CDH18: variants seen among roughly 807,000 people sequenced by gnomAD.
CDH18 encodes cadherin-18.
Under a neutral mutation model 67.9 loss-of-function variants are expected in CDH18, and 31 were observed. The ratio of observed to expected loss-of-function variants is 0.46; its 90% confidence interval spans 0.34 to 0.62. The LOEUF (loss-of-function observed/expected upper bound fraction) is 0.62. Ranked by LOEUF, CDH18 falls within the 20% of genes least tolerant of loss-of-function variation. The pLI is 0.01. For missense variants in CDH18, 890 were observed against 975.5 expected, an observed-to-expected ratio of 0.91 and a Z score of 1.17; for synonymous variants, 362 against 347.2, an observed-to-expected ratio of 1.04 and a Z score of -0.48.
intron 6 of CDH18, among the ~76,000 whole-genome samples, chr5:19,605,438 GTTAAT>G (rs1255454180): frequency 6.6e-6 from 1 of 151,790 alleles, no homozygotes; most frequent in Non-Finnish European, 1.5e-5. Context: ...CTCATTTAAA[GTTAAT>G]TTAATAATTT....
intron 5 of CDH18, among the ~76,000 whole-genome samples, chr5:19,656,221 G>A (rs547877813): frequency 3.3e-5 from 5 of 151,918 alleles, no homozygotes; most frequent in Non-Finnish European, 7.4e-5. Context: ...TAACTGGAAT[G>A]ACTGCCAGGA....
intron 2 of CDH18, among the ~76,000 whole-genome samples, chr5:20,146,087 G>T (rs1244582203): frequency 6.6e-6 from 1 of 152,036 alleles, no homozygotes; most frequent in Non-Finnish European, 1.5e-5. Flanking sequence ...CTAGTCAACT[G>T]GTCTCCTCCT....
chr5:19,650,300 GA>G (rs11361759), intron 5 of CDH18, among the ~76,000 whole-genome samples: 108,659 of 151,638 alleles, frequency 0.72, 39,383 homozygotes, highest in South Asian at 0.8. Context: ...CTCCATAAAA[GA>G]AAAATACAGA....
intron 1 of CDH18, among the ~76,000 whole-genome samples, chr5:20,301,127 C>G (rs1240765964): frequency 6.6e-6 from 1 of 152,072 alleles, no homozygotes; most frequent in Non-Finnish European, 1.5e-5. Context: ...GAAGCATACA[C>G]TTGCTTCCTT....
At chr5:20,141,447 G>A (rs566101427) in intron 2 of CDH18, among the ~76,000 whole-genome samples, 11 of 152,226 alleles carry the variant, frequency 7.2e-5, no homozygotes, top group East Asian at 3.9e-4. Context: ...TTTATGACTC[G>A]TGATGGCATA....
chr5:19,521,256 G>A, intron 9 of CDH18, among the ~76,000 whole-genome samples: 1 of 152,158 alleles, frequency 6.6e-6, no homozygotes, highest in East Asian at 1.9e-4. Flanking sequence ...TATATGCAGA[G>A]TGTGATGTTA....
intron 1 of CDH18, among the ~76,000 whole-genome samples, chr5:20,317,676 G>A (rs964675657): frequency 7.2e-5 from 11 of 152,082 alleles, no homozygotes; most frequent in African/African-American, 2.7e-4. Context: ...AAGCTTTTAT[G>A]CATATATCAA....
intron 11 of CDH18, among the ~76,000 whole-genome samples, chr5:19,487,114 T>C (rs958234846): frequency 4.6e-5 from 7 of 152,126 alleles, no homozygotes; most frequent in African/African-American, 7.2e-5. Context: ...AGACAGGAAA[T>C]AAAGATGCAT....
At chr5:19,509,914 A>G (rs1435959643) in intron 10 of CDH18, among the ~76,000 whole-genome samples, 1 of 152,088 alleles carries the variant, frequency 6.6e-6, no homozygotes, top group Non-Finnish European at 1.5e-5. Flanking sequence ...GAACAGGAAA[A>G]TATATTAACT....
chr5:19,538,900 C>G (rs1457265617), intron 9 of CDH18, among the ~76,000 whole-genome samples: 3 of 152,148 alleles, frequency 2.0e-5, no homozygotes, highest in Non-Finnish European at 4.4e-5. Context: ...ACAACTGGCT[C>G]TTCAGAAACG....
intron 1 of CDH18, among the ~76,000 whole-genome samples, chr5:20,377,385 T>G (rs1003166923): frequency 6.6e-6 from 1 of 152,204 alleles, no homozygotes; most frequent in Non-Finnish European, 1.5e-5. Flanking sequence ...GTATTTTAGT[T>G]TCAAGAGAAT....
At chr5:20,075,332 G>A (rs1014838404) in intron 2 of CDH18, among the ~76,000 whole-genome samples, 20 of 152,034 alleles carry the variant, frequency 1.3e-4, no homozygotes, top group African/African-American at 4.6e-4. Context: ...GTGAAACCCC[G>A]TCTCTACTAA....
At chr5:19,601,032 A>G (rs2150065900) in intron 6 of CDH18, among the ~76,000 whole-genome samples, 1 of 152,326 alleles carries the variant, frequency 6.6e-6, no homozygotes, top group South Asian at 2.1e-4. Context: ...TCTTGGAAAT[A>G]TTCAAACGTG....
At chr5:19,718,635 T>C (rs1034950491) in intron 5 of CDH18, among the ~76,000 whole-genome samples, 1 of 151,918 alleles carries the variant, frequency 6.6e-6, no homozygotes, top group Non-Finnish European at 1.5e-5. Context: ...CTCTCTAAGA[T>C]ACTTGCATAT....
chr5:20,406,855 G>T (rs1486359278), intron 1 of CDH18, among the ~76,000 whole-genome samples: 1 of 152,114 alleles, frequency 6.6e-6, no homozygotes, highest in Non-Finnish European at 1.5e-5. Context: ...TAGTCAAAAG[G>T]CTTTGGCATG....
At chr5:20,328,248 G>T (rs1738798081) in intron 1 of CDH18, among the ~76,000 whole-genome samples, 1 of 152,166 alleles carries the variant, frequency 6.6e-6, no homozygotes, top group Non-Finnish European at 1.5e-5. Context: ...GACTCAAAAA[G>T]CCCAGTAAGG....
chr5:20,562,890 A>C (rs919754839), intron 1 of CDH18, among the ~76,000 whole-genome samples: 4 of 151,946 alleles, frequency 2.6e-5, no homozygotes, highest in Non-Finnish European at 5.9e-5. Context: ...GTTAAAATGT[A>C]TATACTTATT....
intron 2 of CDH18, among the ~76,000 whole-genome samples, chr5:19,849,208 G>A (rs115362005): frequency 1.5e-3 from 233 of 152,104 alleles, no homozygotes; most frequent in Non-Finnish European, 3.0e-3. Context: ...GAATGGTCAG[G>A]ACTGAAGGTA....
intron 1 of CDH18, among the ~76,000 whole-genome samples, chr5:20,290,693 G>C (rs1037699216): frequency 2.6e-5 from 4 of 152,144 alleles, no homozygotes; most frequent in Admixed American, 6.6e-5. Context: ...CCAAGCAAAG[G>C]TGATATGTTC....
Sources: allele counts gnomAD v4.1 joint callset (sites outside exome capture counted in the v4.1 genomes callset), GRCh38; gene constraint gnomAD v4.1.1; transcripts MANE v1.5; gene names NCBI Gene and HGNC (gene_info 2026-07-23, HGNC 2026-07-21).